Variants in ARID5B observed in about 807,000 individuals in gnomAD.
ARID5B encodes the protein AT-rich interactive domain-containing protein 5B.
Under a neutral mutation model 97.2 loss-of-function variants are expected in ARID5B, and 13 were observed. That is an observed-to-expected ratio of 0.13 (90% CI 0.09 to 0.21). The LOEUF is 0.21. Among genes scored for constraint, ARID5B ranks in the 10% least tolerant of loss-of-function variants. ARID5B has a pLI of 1.00. For synonymous variants in ARID5B, 556 were observed against 570.3 expected (o/e 0.97, Z 0.36); for missense variants, 1,210 against 1,465.3 (o/e 0.83, Z 2.84).
chr10:61,922,069 A>G (rs1444565376), intron 2 of ARID5B, among the ~76,000 whole-genome samples: 1 of 152,188 alleles, frequency 6.6e-6, no homozygotes, highest in East Asian at 1.9e-4. Context: ...TTCAGGGCAT[A>G]TAACTATAGA....
intron 4 of ARID5B, among the ~76,000 whole-genome samples, chr10:62,030,134 CT>C (rs547553279): frequency 4.1e-4 from 60 of 145,626 alleles, no homozygotes; most frequent in Non-Finnish European, 3.6e-4. Context: ...TTTTCTTTTT[CT>C]TTTTTTTTTT....
At chr10:61,947,261 CTTTTTTT>C (rs199587188) in intron 3 of ARID5B, among the ~76,000 whole-genome samples, 50 of 124,306 alleles carry the variant, frequency 4.0e-4, no homozygotes, top group African/African-American at 1.4e-3. Flanking sequence ...CACTTACTTT[CTTTTTTT>C]TTTTTTTTTT....
At chr10:61,987,953 G>A (rs1284967519) in intron 3 of ARID5B, among the ~76,000 whole-genome samples, 1 of 152,178 alleles carries the variant, frequency 6.6e-6, no homozygotes, top group Non-Finnish European at 1.5e-5. Flanking sequence ...GGGAAAAGGG[G>A]ATATTTGCTG....
intron 4 of ARID5B, among the ~76,000 whole-genome samples, chr10:62,041,931 A>C (rs1438570578): frequency 6.6e-6 from 1 of 152,250 alleles, no homozygotes; most frequent in Non-Finnish European, 1.5e-5. Flanking sequence ...ACACCAAAGA[A>C]CATATCAATC....
chr10:61,940,247 A>T lies in ARID5B; in HGVS notation c.341A>T (p.His114Leu). ...CTTGAAGACCTGGTCAAGTGGGTAC[A>T]TTCTGATTTCTCCAAGTGGAGATGT... ...VKLEDLVKWVHSDFSKWRCGF... is the reference protein window; with the variant it reads ...VKLEDLVKWVLSDFSKWRCGF... Residue 114 changes from histidine (H) to leucine (L), a missense_variant, in exon 3 of 10, where the codon CAT becomes CTT. Around this residue, in one of 8 missense-constraint regions of ARID5B, gnomAD observed 82 missense variants for 79.3 expected, o/e 1.03. Transcript: ENST00000279873. 6.2e-7 allele frequency: 1 copy of T among 1,614,218 alleles called. No individual in the cohort carries two copies. Among genetic ancestry groups the T allele is most frequent in the Non-Finnish European group, 8.5e-7 (1 of 1,180,024 alleles).
intron 2 of ARID5B, among the ~76,000 whole-genome samples, chr10:61,902,641 A>T (rs571829797): frequency 6.6e-6 from 1 of 151,996 alleles, no homozygotes; most frequent in East Asian, 1.9e-4. Context: ...GTCAAGATCA[A>T]ATAACTTGTT....
chr10:62,091,363 G>T lies in ARID5B; in HGVS notation c.1900G>T (p.Gly634Cys). ...CTGCACCGTGAAGGTGGACCAGCTG[G>T]GCAGTGACGACATCCACAATGCGCT... Reference protein sequence around the residue: ...ANCTVKVDQLGSDDIHNALKQ... With the variant: ...ANCTVKVDQLCSDDIHNALKQ... Residue 634 changes from glycine to cysteine, a missense_variant, in exon 10 of 10, where the codon GGC becomes TGC. By Grantham distance (159) the Gly-to-Cys change is radical. This residue lies in a region of ARID5B where 800 missense variants were observed against 839.1 expected (regional missense o/e 0.95). Transcript: ENST00000279873. The T allele has an allele frequency of 6.2e-7, 1 of 1,614,140 alleles. No homozygotes were observed. Among genetic ancestry groups the T allele is most frequent in the Non-Finnish European group, 8.5e-7 (1 of 1,180,018 alleles).
intron 3 of ARID5B, among the ~76,000 whole-genome samples, chr10:61,981,893 C>T (rs753639916): frequency 1.3e-5 from 2 of 152,220 alleles, no homozygotes; most frequent in South Asian, 2.1e-4. Context: ...TCCTGTCAGA[C>T]GTCCATGGTG....
chr10:62,038,412 A>G (rs774450648), intron 4 of ARID5B, among the ~76,000 whole-genome samples: 2 of 151,256 alleles, frequency 1.3e-5, no homozygotes, highest in Non-Finnish European at 2.9e-5. Flanking sequence ...TTTTTCTTCC[A>G]TATTAGGGAA....
rs1840446821 is a variant in ARID5B at position 62,094,985 on chromosome 10, T to A, written c.*1955T>A. 1 of 230,666 alleles carries A rather than the reference T, an allele frequency of 4.3e-6. No individual in the cohort carries two copies. Among genetic ancestry groups the A allele is most frequent in the Admixed American group, 5.7e-5 (1 of 17,670 alleles). The allele number at this position is 230,666 out of a possible 1,614,324, so 14.3% of individuals were successfully genotyped here. Reference sequence around the variant, plus strand: ...TTTGTATTGAAATGTCTCCATGATATGAAGCCAAATATTCAATGTAACATA... The same window carrying A: ...TTTGTATTGAAATGTCTCCATGATAAGAAGCCAAATATTCAATGTAACATA... On this transcript the variant is annotated 3_prime_UTR_variant, in exon 10 of 10. Coordinates refer to ENST00000279873, the MANE Select transcript of ARID5B (RefSeq NM_032199.3).
intron 4 of ARID5B, among the ~76,000 whole-genome samples, chr10:62,041,789 C>A (rs1437156681): frequency 1.3e-5 from 2 of 152,154 alleles, no homozygotes. Flanking sequence ...ATTTCCAAAC[C>A]TGGAGAAATG....
At chr10:61,948,527 C>T (rs139570436) in intron 3 of ARID5B, among the ~76,000 whole-genome samples, 24 of 151,910 alleles carry the variant, frequency 1.6e-4, no homozygotes, top group African/African-American at 4.6e-4. Context: ...CCACCACATC[C>T]GGCTAATTTT....
chr10:61,916,423 G>A (rs74485512), intron 2 of ARID5B, among the ~76,000 whole-genome samples: 1 of 152,038 alleles, frequency 6.6e-6, no homozygotes, highest in Non-Finnish European at 1.5e-5. Context: ...TTACTATCTG[G>A]CCCTTATATA....
At chr10:61,951,868 C>T (rs1051025870) in intron 3 of ARID5B, among the ~76,000 whole-genome samples, 6 of 152,042 alleles carry the variant, frequency 3.9e-5, no homozygotes, top group Non-Finnish European at 5.9e-5. Flanking sequence ...TATAAATATG[C>T]CCCCATATTG....
chr10:62,040,069 A>G (rs931412191), intron 4 of ARID5B, among the ~76,000 whole-genome samples: 3 of 152,216 alleles, frequency 2.0e-5, no homozygotes, highest in African/African-American at 7.2e-5. Context: ...TACCCGACCC[A>G]TATTGACAGC....
intron 2 of ARID5B, among the ~76,000 whole-genome samples, chr10:61,908,771 G>GCCTGGGCA (rs1278866312): frequency 7.3e-6 from 1 of 137,336 alleles, no homozygotes; most frequent in Non-Finnish European, 1.5e-5. Flanking sequence ...CTGCACTCCA[G>GCCTGGGCA]CCTGGGCAAC....
intron 2 of ARID5B, among the ~76,000 whole-genome samples, chr10:61,915,302 G>T (rs142664444): frequency 1.3e-5 from 2 of 152,182 alleles, no homozygotes; most frequent in Admixed American, 1.3e-4. Flanking sequence ...TGGGGACCAC[G>T]CATAGTATAT....
chr10:61,923,934 T>C (rs1341626557), intron 2 of ARID5B, among the ~76,000 whole-genome samples: 1 of 152,206 alleles, frequency 6.6e-6, no homozygotes, highest in East Asian at 1.9e-4. Context: ...GAACAAAATC[T>C]CTCCTGACAA....
chr10:62,022,823 A>C (rs1839372662), intron 4 of ARID5B, among the ~76,000 whole-genome samples: 1 of 152,226 alleles, frequency 6.6e-6, no homozygotes, highest in Admixed American at 6.5e-5. Context: ...AATTGAAAAC[A>C]AACCAAAAAA....
Sources: gnomAD v4.1 joint callset for allele counts (sites outside exome capture counted in the v4.1 genomes callset) on GRCh38, gnomAD v4.1.1 for gene constraint, gnomAD v4.1.1 regional missense constraint, MANE v1.5 for transcripts, NCBI Gene and HGNC (gene_info 2026-07-23, HGNC 2026-07-21) for gene names.